Variants in KIAA1671 observed in about 807,000 individuals in gnomAD.
KIAA1671 encodes KIAA1671.
In KIAA1671, 52 loss-of-function variants were observed where a neutral mutation model predicts 131.2. That is an observed-to-expected ratio of 0.40 (90% CI 0.32 to 0.50). The LOEUF (loss-of-function observed/expected upper bound fraction) is 0.50. KIAA1671 is among the 20% of genes least tolerant of loss of function. The pLI is 0.73. For missense variants in KIAA1671, 2,360 were observed against 2,364.2 expected (o/e 1.00, Z 0.04); for synonymous variants, 1,003 against 961.6 (o/e 1.04, Z -0.80).
At chr22:25,190,890 A>C (rs1934652261) in intron 12 of KIAA1671, 106 bp downstream of exon 12, 6 of 725,984 alleles carry the variant, frequency 8.3e-6, no homozygotes, top group Non-Finnish European at 7.0e-6. Context: ...TACCCAAGGA[A>C]AGAGGCTGTG....
intron 10 of KIAA1671, among the ~76,000 whole-genome samples, chr22:25,183,278 G>C (rs1000460001): frequency 1.3e-5 from 2 of 152,170 alleles, no homozygotes; most frequent in African/African-American, 4.8e-5. Context: ...TTTAGTAGAC[G>C]GAAGTTTTGC....
chr22:24,987,542 C>G (rs1462155498), intron 1 of KIAA1671, among the ~76,000 whole-genome samples: 1 of 152,190 alleles, frequency 6.6e-6, no homozygotes, highest in Non-Finnish European at 1.5e-5. Context: ...TCATAGCTCA[C>G]TGCAGCCTCA....
chr22:25,111,936 A>C (rs1266766673), intron 6 of KIAA1671: 1 of 318,064 alleles, frequency 3.1e-6, no homozygotes, highest in African/African-American at 2.1e-5. Flanking sequence ...GTGGACTCCC[A>C]GCCTGGCACT....
intron 6 of KIAA1671, chr22:25,112,116 T>C (rs1931393275): frequency 2.5e-6 from 1 of 398,242 alleles, no homozygotes; most frequent in Non-Finnish European, 4.4e-6. Flanking sequence ...AAGAGGACAC[T>C]GGCGTTTTAA....
chr22:25,093,824 TTCTCTCTCTGTCTGTCTCTC>T lies in KIAA1671; in HGVS notation c.4530+44470_4530+44489del, dbSNP rs1930242862. 2.1e-3 allele frequency among the ~76,000 whole-genome samples: 47 copies of T among 21,942 alleles called. 4 individuals carry two copies. The highest frequency in any genetic ancestry group is 0.01 in the African/African-American group (38 of 3,630). 14.4% of individuals were successfully genotyped at this position (21,942 alleles called of 152,430 possible). A position where few individuals can be genotyped will look rare whatever the true frequency, so the allele number is the denominator to read the frequency against. On this transcript the variant is annotated intron_variant, in intron 6 of 12. Coordinates refer to ENST00000358431, the MANE Select transcript of KIAA1671 (RefSeq NM_001145206.2). ...TCTCTCTCTCTCTGTCTCTCTCTCT[TTCTCTCTCTGTCTGTCTCTC>T]TCTCTCTCTCTCTCTCTCTCTCTCT...
chr22:25,194,105 C>T lies in KIAA1671; in HGVS notation c.*1704C>T, dbSNP rs952403285. The T allele has an allele frequency of 6.6e-6, 1 of 152,104 alleles. No individual in the cohort carries two copies. The highest frequency in any genetic ancestry group is 2.4e-5 in the African/African-American group (1 of 41,418). 9.4% of individuals were successfully genotyped at this position (152,104 alleles called of 1,614,324 possible). On this transcript the variant is annotated 3_prime_UTR_variant, in exon 13 of 13. Transcript: ENST00000358431. ...TTTGTTTTGTTTTGTTTTTCTGAGA[C>T]AAGGTCTTACTCTGTTGCTCAAGCT... is the stretch of plus-strand genomic sequence containing the variant.
chr22:24,989,584 G>GGGCT (rs1923729306), intron 1 of KIAA1671, among the ~76,000 whole-genome samples: 1 of 152,190 alleles, frequency 6.6e-6, no homozygotes, highest in Non-Finnish European at 1.5e-5. Flanking sequence ...TGGGAATTTA[G>GGGCT]GGCTGGTCAG....
intron 6 of KIAA1671, among the ~76,000 whole-genome samples, chr22:25,101,709 A>G (rs959116107): frequency 6.6e-6 from 1 of 152,096 alleles, no homozygotes; most frequent in Non-Finnish European, 1.5e-5. Flanking sequence ...CAAGTCTCCC[A>G]AGAAGGATGT....
chr22:25,150,420 T>A (rs150542638), intron 6 of KIAA1671, among the ~76,000 whole-genome samples: 1 of 152,294 alleles, frequency 6.6e-6, no homozygotes, highest in Non-Finnish European at 1.5e-5. Flanking sequence ...GGACGCAGGC[T>A]CTGTCGGCCC....
chr22:24,953,695 C>T (rs1339787389), intron 1 of KIAA1671, among the ~76,000 whole-genome samples: 1 of 152,014 alleles, frequency 6.6e-6, no homozygotes, highest in Non-Finnish European at 1.5e-5. Context: ...GGCACAAACT[C>T]GCCTGGGAGT....
intron 6 of KIAA1671, among the ~76,000 whole-genome samples, chr22:25,080,131 A>C (rs979287609): frequency 6.6e-6 from 1 of 152,116 alleles, no homozygotes; most frequent in Admixed American, 6.5e-5. Flanking sequence ...TGCAGGGTAG[A>C]GGGTCTTGGG....
At chr22:25,122,709 T>G (rs1205379150) in intron 6 of KIAA1671, among the ~76,000 whole-genome samples, 2 of 152,192 alleles carry the variant, frequency 1.3e-5, no homozygotes, top group African/African-American at 4.8e-5. Context: ...TTGCAGTGGC[T>G]CACGCCCATA....
At chr22:25,035,169 T>C (rs1489257722) in intron 4 of KIAA1671, among the ~76,000 whole-genome samples, 1 of 151,366 alleles carries the variant, frequency 6.6e-6, no homozygotes, top group African/African-American at 2.4e-5. Context: ...CTCAGCCTCC[T>C]GAGTAGCTGG....
intron 1 of KIAA1671, among the ~76,000 whole-genome samples, chr22:24,958,721 A>G (rs1222455753): frequency 2.0e-5 from 3 of 151,748 alleles, no homozygotes; most frequent in African/African-American, 7.3e-5. Flanking sequence ...CTGTAATTCC[A>G]GCACTTTCGG....
intron 8 of KIAA1671, 98 bp downstream of exon 8, chr22:25,174,587 T>C: frequency 7.4e-7 from 1 of 1,358,786 alleles, no homozygotes; most frequent in South Asian, 1.5e-5. Flanking sequence ...CCAGGGACCC[T>C]TGGAGTGGGT....
In KIAA1671 at chr22:25,028,793, G is replaced by C; in HGVS notation, c.794G>C (p.Gly265Ala). The change falls in exon 3 of 13, where the codon GGC becomes GCC. Residue 265 changes from glycine to alanine, a missense_variant. Around this residue, in one of 3 missense-constraint regions of KIAA1671, gnomAD observed 1,185 missense variants for 1,126.2 expected, o/e 1.05. Coordinates refer to ENST00000358431, the MANE Select transcript of KIAA1671 (RefSeq NM_001145206.2). ...KPGPGAAATV[G>A]KVPPTPPEKT... The stretch of plus-strand genomic sequence containing the variant: ...GGCCCCGGCGCAGCGGCCACAGTGG[G>C]CAAAGTGCCACCCACCCCTCCCGAG... 1 of 1,551,214 alleles carries C rather than the reference G, an allele frequency of 6.4e-7. No homozygotes were observed. Among genetic ancestry groups the C allele is most frequent in the Non-Finnish European group, 8.7e-7 (1 of 1,147,008 alleles).
intron 8 of KIAA1671, 166 bp from the exon 9 acceptor site, chr22:25,177,182 A>T: frequency 1.5e-6 from 1 of 648,112 alleles, no homozygotes; most frequent in Non-Finnish European, 2.6e-6. Context: ...GGGGAAATTT[A>T]GGCTTTGGGT....
intron 4 of KIAA1671, among the ~76,000 whole-genome samples, chr22:25,036,867 T>C (rs903726792): frequency 6.6e-5 from 10 of 151,986 alleles, no homozygotes; most frequent in East Asian, 3.9e-4. Flanking sequence ...GAGATTGCGG[T>C]GAGCCGAGAT....
At chr22:24,983,620 G>T (rs1310477334) in intron 1 of KIAA1671, among the ~76,000 whole-genome samples, 1 of 150,140 alleles carries the variant, frequency 6.7e-6, no homozygotes, top group African/African-American at 2.5e-5. Flanking sequence ...GGGGGCGGGG[G>T]TGGTTCAAGG....
Sources: gnomAD v4.1 joint callset for allele counts (sites outside exome capture counted in the v4.1 genomes callset) on GRCh38, gnomAD v4.1.1 for gene constraint, gnomAD v4.1.1 regional missense constraint, MANE v1.5 for transcripts, NCBI Gene and HGNC (gene_info 2026-07-23, HGNC 2026-07-21) for gene names.